Variants in CACNA1C observed in about 807,000 individuals in gnomAD.
The protein encoded by CACNA1C is calcium voltage-gated channel subunit alpha1 C.
A neutral mutation model predicts 229.0 loss-of-function variants in CACNA1C; 30 were observed. The observed-to-expected ratio is 0.13, with a 90% CI of 0.10 to 0.18. The LOEUF is 0.18. Ranked by LOEUF, CACNA1C falls within the 10% of genes least tolerant of loss-of-function variation. The pLI is 1.00. For missense variants in CACNA1C, 1,658 were observed against 2,845.0 expected, an observed-to-expected ratio of 0.58 and a Z score of 9.49; for synonymous variants, 1,114 against 1,132.5, an observed-to-expected ratio of 0.98 and a Z score of 0.33.
At chr12:2,208,078 G>A (rs569206642) in intron 3 of CACNA1C, among the ~76,000 whole-genome samples, 2 of 152,290 alleles carry the variant, frequency 1.3e-5, no homozygotes, top group Admixed American at 6.5e-5. Flanking sequence ...AGGATGGGTA[G>A]CAACCACATA....
At chr12:2,317,161 A>G (rs1417799830) in intron 3 of CACNA1C, among the ~76,000 whole-genome samples, 1 of 152,204 alleles carries the variant, frequency 6.6e-6, no homozygotes, top group African/African-American at 2.4e-5. Context: ...ACTTTTGGGT[A>G]TGCACCCTAA....
intron 2 of CACNA1C, among the ~76,000 whole-genome samples, chr12:2,118,298 G>C (rs143055109): frequency 1.3e-5 from 2 of 152,138 alleles, no homozygotes; most frequent in South Asian, 4.1e-4. Context: ...TCCTTGTCCC[G>C]ATGGGGAGAG....
intron 20 of CACNA1C, among the ~76,000 whole-genome samples, chr12:2,596,397 C>T (rs1466249169): frequency 6.6e-6 from 1 of 152,150 alleles, no homozygotes; most frequent in Admixed American, 6.5e-5. Flanking sequence ...CTGACCTTAC[C>T]TAAAAGAGAG....
Position 2,581,805 on chromosome 12 carries a change from C to G in CACNA1C, c.2103+8C>G. 6.5e-7 allele frequency: 1 copy of G among 1,541,480 alleles called. No individual in the cohort carries two copies. The highest frequency in any genetic ancestry group is 2.3e-5 in the East Asian group (1 of 44,442). On this transcript the variant is annotated splice_region_variant and intron_variant, in intron 14 of 46. Coordinates refer to ENST00000399655, the MANE Select transcript of CACNA1C (RefSeq NM_000719.7). ...CTCCTCACTGTGTTTCAGGTATGGA[C>G]TCTTCTCTGCTGGGATTCGGACTCG... is the stretch of plus-strand genomic sequence containing the variant.
intron 3 of CACNA1C, among the ~76,000 whole-genome samples, chr12:2,284,688 C>T (rs923392534): frequency 2.0e-4 from 31 of 152,222 alleles, no homozygotes; most frequent in African/African-American, 7.2e-4. Context: ...GGCCTGTGCA[C>T]TCTATGGGGT....
intron 10 of CACNA1C, among the ~76,000 whole-genome samples, chr12:2,555,915 T>C (rs969718064): frequency 6.6e-6 from 1 of 151,160 alleles, no homozygotes; most frequent in Non-Finnish European, 1.5e-5. Context: ...CCTCCCAGAC[T>C]CCCTTCTCCT....
rs1357793636 is a variant in CACNA1C at position 2,294,959 on chromosome 12, TGCCTCTCCC to T, written c.478-154015_478-154007del. On this transcript the variant is annotated intron_variant, in intron 3 of 46. Transcript: ENST00000399655. ...ATGCTGTGCGCACAGTTCTGTGTTGTGCCTCTCCCGGGGAAGGGGTGTATTTGGCCTGTG... is the reference window on the plus strand; with the variant it reads ...ATGCTGTGCGCACAGTTCTGTGTTGTGGGGAAGGGGTGTATTTGGCCTGTG... 1.8e-4 allele frequency among the ~76,000 whole-genome samples: 28 copies of T among 152,308 alleles called. No individual in the cohort carries two copies. The East Asian group carries it at 3.7e-3, about 20-fold the overall frequency.
At chr12:2,473,760 T>TA (rs2099605150) in intron 5 of CACNA1C, among the ~76,000 whole-genome samples, 1 of 152,186 alleles carries the variant, frequency 6.6e-6, no homozygotes, top group Non-Finnish European at 1.5e-5. Context: ...AAATATATTT[T>TA]AAAAGAAAAT....
At chr12:2,581,833 G>A (rs768945783) in intron 14 of CACNA1C, 36 bp downstream of exon 14, 2 of 1,353,230 alleles carry the variant, frequency 1.5e-6, no homozygotes, top group South Asian at 1.2e-5. Flanking sequence ...CGGACTCGGG[G>A]TGGTTGAGTG....
Position 2,665,216 on chromosome 12 carries a change from T to C in CACNA1C, c.4398+226T>C, listed in dbSNP as rs771109110. Among the ~76,000 whole-genome samples the C allele has an allele frequency of 6.6e-6, 1 of 152,186 alleles. No individual in the cohort carries two copies. The highest frequency in any genetic ancestry group is 1.5e-5 in the Non-Finnish European group (1 of 68,040). ...GCTTGTCTGTTCTTGGCTGTTGTCA[T>C]GGTGGCATTGTCCCAGAGGACAACG... On this transcript the variant is annotated intron_variant, in intron 35 of 46. Coordinates refer to ENST00000399655, the MANE Select transcript of CACNA1C (RefSeq NM_000719.7). The surrounding 1 kb of genome is among the most constrained non-coding windows in gnomAD (Gnocchi z 5.9).
intron 3 of CACNA1C, among the ~76,000 whole-genome samples, chr12:2,326,949 C>T (rs561055038): frequency 1.3e-5 from 2 of 152,316 alleles, no homozygotes; most frequent in South Asian, 4.1e-4. Flanking sequence ...AACATTCTCT[C>T]TATAGTGCCA....
At chr12:2,095,905 G>C (rs2073739161) in intron 1 of CACNA1C, among the ~76,000 whole-genome samples, 1 of 152,186 alleles carries the variant, frequency 6.6e-6, no homozygotes, top group East Asian at 1.9e-4. Flanking sequence ...ACCATCATTG[G>C]GAATAATGTC....
chr12:2,507,593 C>T (rs1461679890), intron 8 of CACNA1C, among the ~76,000 whole-genome samples: 1 of 152,230 alleles, frequency 6.6e-6, no homozygotes, highest in African/African-American at 2.4e-5. Context: ...GGTCTCACTG[C>T]TCCATGAAAT....
chr12:2,557,320 A>T (rs184122800), intron 11 of CACNA1C, among the ~76,000 whole-genome samples: 1 of 152,214 alleles, frequency 6.6e-6, no homozygotes, highest in East Asian at 1.9e-4. Flanking sequence ...GACCTACTTC[A>T]TGTTTATAGA....
intron 30 of CACNA1C, among the ~76,000 whole-genome samples, chr12:2,642,705 G>A (rs2093856309): frequency 6.6e-6 from 1 of 152,112 alleles, no homozygotes; most frequent in Non-Finnish European, 1.5e-5. Flanking sequence ...TCTCCCTCTG[G>A]CATAAGGAAT....
chr12:2,203,951 A>C (rs1273401160), intron 3 of CACNA1C, among the ~76,000 whole-genome samples: 3 of 152,210 alleles, frequency 2.0e-5, no homozygotes, highest in Admixed American at 2.0e-4. Context: ...GGGGACCAGG[A>C]GGCTCTGCAG....
intron 18 of CACNA1C, among the ~76,000 whole-genome samples, chr12:2,586,959 G>A (rs1282561050): frequency 1.3e-5 from 2 of 152,210 alleles, no homozygotes; most frequent in Non-Finnish European, 2.9e-5. Context: ...GAATTTCAAC[G>A]ACGTACTAGA....
Position 2,287,121 on chromosome 12 carries a change from C to T in CACNA1C, c.478-161855C>T, listed in dbSNP as rs532522473. 4.6e-5 allele frequency among the ~76,000 whole-genome samples: 7 copies of T among 152,348 alleles called. No homozygotes were observed. The East Asian group carries it at 1.4e-3, about 29-fold the overall frequency. Reference sequence around the variant, plus strand: ...CCCCAGTTGACAGAGGGCTCTTTACCGTTAGGACCCCTTCTGGGTTTCTCA... The same window carrying T: ...CCCCAGTTGACAGAGGGCTCTTTACTGTTAGGACCCCTTCTGGGTTTCTCA... On this transcript the variant is annotated intron_variant, in intron 3 of 46. Coordinates refer to ENST00000399655, the MANE Select transcript of CACNA1C (RefSeq NM_000719.7). This position sits in a 1 kb window ranked among gnomAD's most constrained non-coding sequence, Gnocchi z 4.6.
intron 7 of CACNA1C, among the ~76,000 whole-genome samples, chr12:2,500,125 G>C (rs1275945544): frequency 2.0e-5 from 3 of 152,174 alleles, no homozygotes; most frequent in Admixed American, 2.0e-4. Context: ...TCTCTCATCT[G>C]TCCTCCTGCT....
Sources: gnomAD v4.1 joint callset for allele counts (sites outside exome capture counted in the v4.1 genomes callset) on GRCh38, gnomAD v4.1.1 for gene constraint, Gnocchi (gnomAD v3.1) non-coding constraint, MANE v1.5 for transcripts, NCBI Gene and HGNC (gene_info 2026-07-23, HGNC 2026-07-21) for gene names.